The following RHD variants were observed in gnomAD, a reference collection of about 807,000 sequenced individuals.
RHD encodes Rh blood group D antigen.
Under a neutral mutation model 45.5 loss-of-function variants are expected in RHD, and 16 were observed. The observed-to-expected ratio is 0.35, with a 90% CI of 0.24 to 0.53. The LOEUF (loss-of-function observed/expected upper bound fraction) is 0.53. Among genes scored for constraint, RHD ranks in the 20% least tolerant of loss-of-function variants. The pLI is 0.92. For synonymous variants in RHD, 131 were observed against 217.5 expected (o/e 0.60, Z 3.50); for missense variants, 306 against 532.0 (o/e 0.58, Z 4.18).
At position 25,290,636 on chromosome 1, in the gene RHD, C is replaced by T. The variant is rs1642413441; in HGVS notation, c.336-5C>T. On this transcript the variant is annotated splice_polypyrimidine_tract_variant and splice_region_variant and intron_variant, in intron 2 of 9. Transcript: ENST00000328664. ...AGTCGTCCTGGCTCTCCCTCTCTCCCCCAGTATTCGGCTGGCCACCATGAG... is the reference window on the plus strand; with the variant it reads ...AGTCGTCCTGGCTCTCCCTCTCTCCTCCAGTATTCGGCTGGCCACCATGAG... The T allele has an allele frequency of 5.1e-6, 7 of 1,376,426 alleles. 2 individuals are homozygous for T. The highest frequency in any genetic ancestry group is 7.2e-6 in the Non-Finnish European group (7 of 976,418). The allele number at this position is 1,376,426 out of a possible 1,614,324, so 85.3% of individuals were successfully genotyped here.
intron 3 of RHD, chr1:25,294,107 G>A: frequency 1.5e-6 from 1 of 659,198 alleles, no homozygotes; most frequent in Non-Finnish European, 2.9e-6. Flanking sequence ...TTAATGGCAT[G>A]ACAAAGCAGA....
rs188175525 is a variant in RHD at position 25,282,578 on chromosome 1, C to T, written c.149-1995C>T. ...TAATAGGAAATGATAGAGCTGGGAT[C>T]GAACAGAGCCATGTGAACTCAAAAC... On this transcript the variant is annotated intron_variant, in intron 1 of 9. Coordinates refer to ENST00000328664, the MANE Select transcript of RHD (RefSeq NM_016124.6). Among the ~76,000 whole-genome samples the T allele has an allele frequency of 7.2e-3, 957 of 132,280 alleles. 138 individuals carry two copies. Among genetic ancestry groups the T allele is most frequent in the African/African-American group, 0.023 (887 of 38,788 alleles). 86.8% of individuals were successfully genotyped at this position (132,280 alleles called of 152,430 possible). A position where few individuals can be genotyped will look rare whatever the true frequency, so the allele number is the denominator to read the frequency against.
rs1291742474 is a variant in RHD, at chr1:25,293,428, T to G, written c.486+2637T>G. 1.7e-4 allele frequency among the ~76,000 whole-genome samples: 22 copies of G among 130,782 alleles called. 7 individuals are homozygous for G. Among genetic ancestry groups the G allele is most frequent in the Non-Finnish European group, 2.5e-4 (14 of 55,364 alleles). The allele number at this position is 130,782 out of a possible 152,430, so 85.8% of individuals were successfully genotyped here. A position where few individuals can be genotyped will look rare whatever the true frequency, so the allele number is the denominator to read the frequency against. On this transcript the variant is annotated intron_variant, in intron 3 of 9. Transcript: ENST00000328664. ...ACATTTTCACATTAGAGATTCCCAT[T>G]GTGCGGAAATAACAATTTATTACTT... is the stretch of plus-strand genomic sequence containing the variant.
At position 25,307,973 on chromosome 1, in the gene RHD, G is replaced by C. The variant is rs868608413; in HGVS notation, c.1073+1244G>C. Among the ~76,000 whole-genome samples the C allele has an allele frequency of 2.7e-4, 35 of 127,440 alleles. 11 individuals carry two copies. Among genetic ancestry groups the C allele is most frequent in the South Asian group, 7.2e-4 (3 of 4,150 alleles). The allele number at this position is 127,440 out of a possible 152,430, so 83.6% of individuals were successfully genotyped here. On this transcript the variant is annotated intron_variant, in intron 7 of 9. Coordinates refer to ENST00000328664, the MANE Select transcript of RHD (RefSeq NM_016124.6). ...TGGGCCTGAGAGTTCCCCTCTGAAA[G>C]ATGAGGACTTGACCTAGCAAGGTCC...
In RHD at chr1:25,303,678, T is replaced by C. The variant is rs111773337; in HGVS notation, c.939+219T>C. Among the ~76,000 whole-genome samples, 8 of 131,420 alleles carry C rather than the reference T, an allele frequency of 6.1e-5. 1 individual carries two copies. Among genetic ancestry groups the C allele is most frequent in the African/African-American group, 1.0e-4 (4 of 38,248 alleles). The allele number at this position is 131,420 out of a possible 152,430, so 86.2% of individuals were successfully genotyped here. A position where few individuals can be genotyped will look rare whatever the true frequency, so the allele number is the denominator to read the frequency against. On this transcript the variant is annotated intron_variant, in intron 6 of 9. Transcript: ENST00000328664. ...GAACCCATTTGAGCTTGCTTGGGCA[T>C]TGGGGAGAATTTGTTATCAGGCTAC...
rs1641475704 is a variant in RHD at position 25,281,366 on chromosome 1, T to G, written c.149-3207T>G. Among the ~76,000 whole-genome samples the G allele has an allele frequency of 2.3e-5, 3 of 131,386 alleles. 1 individual carries two copies. The highest frequency in any genetic ancestry group is 5.4e-5 in the Non-Finnish European group (3 of 55,926). 86.2% of individuals were successfully genotyped at this position (131,386 alleles called of 152,430 possible). On this transcript the variant is annotated intron_variant, in intron 1 of 9. Coordinates refer to ENST00000328664, the MANE Select transcript of RHD (RefSeq NM_016124.6). ...TCACAGGCTCTCTCTGGTCCCCTTC[T>G]GTAAAATGAGAGGAAAATGGAAGAA... is the stretch of plus-strand genomic sequence containing the variant.
chr1:25,319,072 A>C (rs1285863209), intron 8 of RHD, among the ~76,000 whole-genome samples: 1 of 132,190 alleles, frequency 7.6e-6, no homozygotes, highest in East Asian at 1.9e-4. Context: ...TCTGTTTTTA[A>C]ATTTGAAATG....
chr1:25,289,356 G>A (rs1199810848), intron 2 of RHD, among the ~76,000 whole-genome samples: 1 of 126,640 alleles, frequency 7.9e-6, no homozygotes, highest in South Asian at 2.4e-4. Context: ...CACCATGCCC[G>A]GGTAATTTTT....
In RHD at chr1:25,303,149, A is replaced by G. The variant is rs549791776; in HGVS notation, c.802-173A>G. 8.3e-4 allele frequency among the ~76,000 whole-genome samples: 109 copies of G among 131,634 alleles called. 16 individuals carry two copies. Among genetic ancestry groups the G allele is most frequent in the Non-Finnish European group, 1.2e-3 (68 of 55,464 alleles). 86.4% of individuals were successfully genotyped at this position (131,634 alleles called of 152,430 possible). A position where few individuals can be genotyped will look rare whatever the true frequency, so the allele number is the denominator to read the frequency against. On this transcript the variant is annotated intron_variant, in intron 5 of 9. Coordinates refer to ENST00000328664, the MANE Select transcript of RHD (RefSeq NM_016124.6). ...AGAGGCAGTAGTGAGCTGGCCCATCATGTCCACTGATGAAGGACACGTAGC... is the reference window on the plus strand; with the variant it reads ...AGAGGCAGTAGTGAGCTGGCCCATCGTGTCCACTGATGAAGGACACGTAGC...
At chr1:25,307,010 T>C (rs1273946020) in intron 7 of RHD, 1 of 386,056 alleles carries the variant, frequency 2.6e-6, no homozygotes, top group Non-Finnish European at 5.3e-6. Flanking sequence ...GCAGGTCAAA[T>C]AGGCCCAAGC....
At chr1:25,287,226 G>C (rs1394125429) in intron 2 of RHD, among the ~76,000 whole-genome samples, 4 of 135,526 alleles carry the variant, frequency 3.0e-5, no homozygotes, top group Admixed American at 7.1e-5. Flanking sequence ...GATTTCAAAT[G>C]GTGGTGGCCC....
intron 6 of RHD, among the ~76,000 whole-genome samples, chr1:25,306,385 A>G (rs1643837244): frequency 7.6e-6 from 1 of 130,782 alleles, no homozygotes; most frequent in South Asian, 2.3e-4. Context: ...ATGCTGTTAG[A>G]CCCCACCCCA....
chr1:25,274,463 G>A lies in RHD; in HGVS notation c.148+1768G>A, dbSNP rs1392549461. Among the ~76,000 whole-genome samples, 10 of 132,192 alleles carry A rather than the reference G, an allele frequency of 7.6e-5. 1 individual carries two copies. The highest frequency in any genetic ancestry group is 2.6e-5 in the African/African-American group (1 of 38,756). 86.7% of individuals were successfully genotyped at this position (132,192 alleles called of 152,430 possible). On this transcript the variant is annotated intron_variant, in intron 1 of 9. Transcript: ENST00000328664. ...TTTACCCCTGCACCGTGCTACTAAC[G>A]TAGGTACAAAATGTCCTCAGAAACT...
At position 25,301,770 on chromosome 1, in the gene RHD, G is replaced by T. The variant is rs561986974; in HGVS notation, c.801+84G>T. 1.1e-5 allele frequency: 11 copies of T among 1,025,280 alleles called. No homozygotes were observed. The South Asian group carries it at 1.1e-4, about 11-fold the overall frequency. 63.5% of individuals were successfully genotyped at this position (1,025,280 alleles called of 1,614,324 possible). A position where few individuals can be genotyped will look rare whatever the true frequency, so the allele number is the denominator to read the frequency against. On this transcript the variant is annotated intron_variant, in intron 5 of 9. Transcript: ENST00000328664. ...TATGCCCCTCCCCACCCCAGGGCCA[G>T]CGTGGGTTGGGAGAGGGCATGCCGG...
intron 1 of RHD, among the ~76,000 whole-genome samples, chr1:25,276,230 G>A (rs1640946437): frequency 7.7e-6 from 1 of 129,998 alleles, no homozygotes; most frequent in Non-Finnish European, 1.8e-5. Context: ...CTGTTAGAGA[G>A]GCACATTGAA....
intron 8 of RHD, among the ~76,000 whole-genome samples, chr1:25,319,707 T>A (rs1308609576): frequency 7.6e-6 from 1 of 132,156 alleles, no homozygotes; most frequent in Non-Finnish European, 1.8e-5. Context: ...AAGCATTTAA[T>A]TTGTTAATTG....
At chr1:25,298,881 G>C (rs1339595752) in intron 3 of RHD, among the ~76,000 whole-genome samples, 1 of 128,768 alleles carries the variant, frequency 7.8e-6, no homozygotes, top group African/African-American at 2.7e-5. Context: ...AAGTTGGGGA[G>C]AGAGGATAAC....
intron 7 of RHD, among the ~76,000 whole-genome samples, chr1:25,313,501 T>C (rs1644275139): frequency 7.6e-6 from 1 of 132,422 alleles, no homozygotes; most frequent in Non-Finnish European, 1.8e-5. Flanking sequence ...CTTTTTCCAC[T>C]GGGATATAGT....
chr1:25,278,868 G>A (rs573899813), intron 1 of RHD, among the ~76,000 whole-genome samples: 3 of 128,492 alleles, frequency 2.3e-5, no homozygotes, highest in Admixed American at 1.5e-4. Flanking sequence ...GAGAGTCGCC[G>A]GTAGAGTAGA....
Sources: allele counts gnomAD v4.1 joint callset (sites outside exome capture counted in the v4.1 genomes callset), GRCh38; gene constraint gnomAD v4.1.1; transcripts MANE v1.5; gene names NCBI Gene and HGNC (gene_info 2026-07-23, HGNC 2026-07-21).